Variants in BRF2 observed in about 807,000 individuals in gnomAD.
BRF2 encodes the protein transcription factor IIIB 50 kDa subunit.
A neutral mutation model predicts 26.6 loss-of-function variants in BRF2; 17 were observed. The ratio of observed to expected loss-of-function variants is 0.64; its 90% CI spans 0.44 to 0.96. The LOEUF (loss-of-function observed/expected upper bound fraction) is 0.96, where lower values mean the gene tolerates loss of function less well. Among genes scored for constraint, BRF2 ranks in the 40% least tolerant of loss-of-function variants. The pLI is 0.00. For missense variants in BRF2, 515 were observed against 537.0 expected, an observed-to-expected ratio of 0.96 and a Z score of 0.40; for synonymous variants, 219 against 226.6, an observed-to-expected ratio of 0.97 and a Z score of 0.30.
chr8:37,846,590 A>C (rs928676313), intron 3 of BRF2, among the ~76,000 whole-genome samples: 4 of 151,796 alleles, frequency 2.6e-5, no homozygotes, highest in Admixed American at 2.6e-4. Flanking sequence ...CCCTGTCTCT[A>C]CTAAAAATGC....
chr8:37,848,787 T>C, intron 1 of BRF2, 132 bp from the exon 2 acceptor site: 1 of 729,950 alleles, frequency 1.4e-6, no homozygotes, highest in Non-Finnish European at 2.5e-6. Flanking sequence ...AGGCCCCATC[T>C]GGTTTTCTAT....
At position 37,843,913 on chromosome 8, in the gene BRF2, T is replaced by C. The variant is rs1805894887; in HGVS notation, c.*577A>G. 6.5e-6 allele frequency: 1 copy of C among 153,104 alleles called. No homozygotes were observed. Among genetic ancestry groups the C allele is most frequent in the African/African-American group, 2.4e-5 (1 of 41,430 alleles). 9.5% of individuals were successfully genotyped at this position (153,104 alleles called of 1,614,324 possible). On this transcript the variant is annotated 3_prime_UTR_variant, in exon 4 of 4. Coordinates refer to ENST00000220659, the MANE Select transcript of BRF2 (RefSeq NM_018310.4). The stretch of plus-strand genomic sequence containing the variant: ...AGAACTCGGGTTTTATACAATAGAA[T>C]GTTTTCTAGCAGATGCCTCTTGTTT...
intron 1 of BRF2, 44 bp from the exon 2 acceptor site, chr8:37,848,699 A>C (rs771294099): frequency 2.2e-5 from 33 of 1,495,600 alleles, no homozygotes; most frequent in Non-Finnish European, 3.0e-5. Flanking sequence ...GCCTTTATTC[A>C]TCAGACCCCT....
Position 37,844,750 on chromosome 8 carries a change from C to A in BRF2, c.1000G>T (p.Gly334Ter). ...GAATTATTTCCCACCTCCCCTTCTC[C>A]TTGCCCCTGTCCCCACCCCGGTGGC... The part of the protein sequence containing the change: ...KEPPGWGQGQ[G>*]EGEVGNNSLG... Residue 334 changes from glycine (G) to a stop codon, truncating the protein, a stop_gained, in exon 4 of 4, where the codon GGA (glycine) becomes TGA (stop). Transcript: ENST00000220659. LOFTEE classifies it low-confidence loss of function (END_TRUNC). 1 of 1,614,122 alleles carries A rather than the reference C, an allele frequency of 6.2e-7. No individual in the cohort carries two copies. Among genetic ancestry groups the A allele is most frequent in the Non-Finnish European group, 8.5e-7 (1 of 1,180,016 alleles).
rs1224643130 is a variant in BRF2, at chr8:37,849,845, G to A, written c.-62C>T. ...GACTCCTGGGTCTGCAACAGCAACC[G>A]TGAGGCAGCAAGAAGTAGGAGGGGA... On this transcript the variant is annotated 5_prime_UTR_variant, in exon 1 of 4. The change creates a new upstream start codon in the 5' untranslated region. Coordinates refer to ENST00000220659, the MANE Select transcript of BRF2 (RefSeq NM_018310.4). 3 of 1,494,942 alleles carry A rather than the reference G, an allele frequency of 2.0e-6. No homozygotes were observed. Among genetic ancestry groups the A allele is most frequent in the South Asian group, 1.2e-5 (1 of 81,754 alleles). 92.6% of individuals were successfully genotyped at this position (1,494,942 alleles called of 1,614,324 possible).
rs774539967 is a variant in BRF2, at chr8:37,848,613, C to T, written c.197G>A (p.Ser66Asn). ...ATTCTCACCTCGTTGCTGGCTGCGA[C>T]TAACTTGTTCGTTTTCCCCTGTGCT... ...SRSTGENEQV[S>N]RSQQRGLRRV... The change falls in exon 2 of 4, where the codon AGT (serine) becomes AAT (asparagine). Residue 66 changes from serine (S) to asparagine (N), a missense_variant. By Grantham distance (46) the Ser-to-Asn change is conservative. Transcript: ENST00000220659. The T allele has an allele frequency of 6.2e-7, 1 of 1,614,172 alleles. No individual in the cohort carries two copies. The highest frequency in any genetic ancestry group is 1.7e-5 in the Admixed American group (1 of 60,016).
At position 37,845,170 on chromosome 8, in the gene BRF2, C is replaced by T. The variant is rs538165118; in HGVS notation, c.580G>A (p.Val194Met). The part of the protein sequence containing the change: ...QASPSVPAKY[V>M]EDKEKMLSRT... ...GACAGCATCTTCTCTTTGTCTTCCA[C>T]GTATTTGGCTGGCACAGAAGGTGAA... The change falls in exon 4 of 4, where the codon GTG becomes ATG. Residue 194 changes from valine (V) to methionine (M), a missense_variant. Val to Met is a conservative substitution (Grantham distance 21, BLOSUM62 1). Transcript: ENST00000220659. 3.1e-5 allele frequency: 50 copies of T among 1,612,714 alleles called. No individual in the cohort carries two copies. In the Middle Eastern group the frequency reaches 5.0e-4, roughly 16 times the overall value.
chr8:37,844,940 C>T lies in BRF2; in HGVS notation c.810G>A (p.Leu270=). 2.5e-6 allele frequency: 4 copies of T among 1,614,212 alleles called. No individual in the cohort carries two copies. Among genetic ancestry groups the T allele is most frequent in the Non-Finnish European group, 3.4e-6 (4 of 1,180,052 alleles). The part of the protein sequence containing the change: ...YPASSRLQEL[L]AVLLRMAEQL... ...GCTCAGCCATCCGCAGCAGCACAGC[C>T]AGCAGCTCCTGCAGGCGGGAGGACG... Residue 270 remains leucine (L), a synonymous_variant, in exon 4 of 4, where the codon CTG becomes CTA. Coordinates refer to ENST00000220659, the MANE Select transcript of BRF2 (RefSeq NM_018310.4).
Position 37,849,860 on chromosome 8 carries a change from G to C in BRF2, c.-77C>G, listed in dbSNP as rs545528393. The C allele has an allele frequency of 7.3e-5, 103 of 1,412,300 alleles. 1 individual carries two copies. In the East Asian group the frequency reaches 2.3e-3, roughly 32 times the overall value. 87.5% of individuals were successfully genotyped at this position (1,412,300 alleles called of 1,614,324 possible). A position where few individuals can be genotyped will look rare whatever the true frequency, so the allele number is the denominator to read the frequency against. On this transcript the variant is annotated 5_prime_UTR_variant, in exon 1 of 4. Transcript: ENST00000220659. ...AACAGCAACCGTGAGGCAGCAAGAA[G>C]TAGGAGGGGACACTTCAAAGGGTTG...
intron 3 of BRF2, among the ~76,000 whole-genome samples, chr8:37,846,105 T>G (rs374669262): frequency 8.0e-4 from 122 of 152,264 alleles, no homozygotes; most frequent in African/African-American, 2.7e-3. Context: ...TCCCAGCACT[T>G]TGGGAGGCTG....
At chr8:37,848,484 T>C in intron 2 of BRF2, 112 bp downstream of exon 2, 1 of 909,872 alleles carries the variant, frequency 1.1e-6, no homozygotes, top group East Asian at 2.5e-5. Flanking sequence ...TGACCTCAGG[T>C]GATCCACCTG....
chr8:37,848,710 G>T (rs1447384420), intron 1 of BRF2, 55 bp from the exon 2 acceptor site: 54 of 1,401,610 alleles, frequency 3.9e-5, no homozygotes, highest in Non-Finnish European at 5.4e-5. Flanking sequence ...TCAGACCCCT[G>T]CCCTCCCACC....
intron 3 of BRF2, 26 bp from the exon 4 acceptor site, chr8:37,845,239 A>T: frequency 1.3e-6 from 2 of 1,581,332 alleles, no homozygotes; most frequent in Non-Finnish European, 1.7e-6. Flanking sequence ...TGAGGGTTGG[A>T]TCTTAATGAT....
At chr8:37,847,638 T>C (rs984450658) in intron 2 of BRF2, among the ~76,000 whole-genome samples, 1 of 152,216 alleles carries the variant, frequency 6.6e-6, no homozygotes, top group African/African-American at 2.4e-5. Context: ...TAAGTGATTC[T>C]CCTGCCTCAG....
intron 2 of BRF2, chr8:37,847,469 G>T: frequency 2.0e-6 from 1 of 511,098 alleles, no homozygotes; most frequent in Non-Finnish European, 3.8e-6. Flanking sequence ...ACATACGTCT[G>T]ATCAAACCCA....
chr8:37,844,666 T>G lies in BRF2; in HGVS notation c.1084A>C (p.Met362Leu). 1 of 1,614,092 alleles carries G rather than the reference T, an allele frequency of 6.2e-7. No individual in the cohort carries two copies. The highest frequency in any genetic ancestry group is 2.2e-5 in the East Asian group (1 of 44,876). ...CAGATCCGCTTCGGGGACTTCAACA[T>G]GCAGGGTGGCAAGAGAAGGGCAGGA... ...ASPALLLPPC[M>L]LKSPKRICPV... Residue 362 changes from methionine (M) to leucine (L), a missense_variant, in exon 4 of 4, where the codon ATG (methionine) becomes CTG (leucine). Physicochemically the swap from Met to Leu is conservative, Grantham distance 15. Transcript: ENST00000220659.
At position 37,849,828 on chromosome 8, in the gene BRF2, G is replaced by T; in HGVS notation, c.-45C>A. Reference sequence around the variant, plus strand: ...CCGCGGAAGCCTTCAGAGACTCCTGGGTCTGCAACAGCAACCGTGAGGCAG... The same window carrying T: ...CCGCGGAAGCCTTCAGAGACTCCTGTGTCTGCAACAGCAACCGTGAGGCAG... On this transcript the variant is annotated 5_prime_UTR_variant, in exon 1 of 4. Coordinates refer to ENST00000220659, the MANE Select transcript of BRF2 (RefSeq NM_018310.4). 7.1e-6 allele frequency: 11 copies of T among 1,551,310 alleles called. No individual in the cohort carries two copies. The highest frequency in any genetic ancestry group is 9.6e-6 in the Non-Finnish European group (11 of 1,151,120).
intron 3 of BRF2, 62 bp downstream of exon 3, chr8:37,846,792 C>T (rs1805966182): frequency 8.4e-7 from 1 of 1,191,230 alleles, no homozygotes; most frequent in South Asian, 1.4e-5. Context: ...GGCCAAAGGT[C>T]AAAGGATTCA....
At chr8:37,846,072 G>A (rs1047611887) in intron 3 of BRF2, among the ~76,000 whole-genome samples, 1 of 152,190 alleles carries the variant, frequency 6.6e-6, no homozygotes, top group East Asian at 1.9e-4. Flanking sequence ...TCTTTGGCGG[G>A]GTGCAGTGGC....
Sources: gnomAD v4.1 joint callset for allele counts (sites outside exome capture counted in the v4.1 genomes callset) on GRCh38, gnomAD v4.1.1 for gene constraint, MANE v1.5 for transcripts, NCBI Gene and HGNC (gene_info 2026-07-23, HGNC 2026-07-21) for gene names.